CNIH3: variants seen among roughly 807,000 people sequenced by gnomAD.
The protein encoded by CNIH3 is protein cornichon homolog 3.
In CNIH3, 14 loss-of-function variants were observed where a neutral mutation model predicts 24.1. The observed-to-expected ratio is 0.58, with a 90% CI of 0.38 to 0.91. The LOEUF (loss-of-function observed/expected upper bound fraction) is 0.91. CNIH3 is among the 40% of genes least tolerant of loss of function. CNIH3 has a pLI of 0.00. For missense variants in CNIH3, 178 were observed against 196.8 expected (o/e 0.90, Z 0.57); for synonymous variants, 68 against 73.8 (o/e 0.92, Z 0.40).
At chr1:224,669,320 A>G (rs1685750362) in intron 1 of CNIH3, among the ~76,000 whole-genome samples, 1 of 152,178 alleles carries the variant, frequency 6.6e-6, no homozygotes, top group Admixed American at 6.5e-5. Flanking sequence ...AATAAGCCAA[A>G]GTGTCCTGTG....
intron 1 of CNIH3, among the ~76,000 whole-genome samples, chr1:224,438,078 A>G (rs1157969126): frequency 6.6e-6 from 1 of 151,926 alleles, no homozygotes; most frequent in South Asian, 2.1e-4. Context: ...ACACCCGGCT[A>G]ATTTTTTGTA....
At chr1:224,589,167 T>G (rs1340745241), downstream of CNIH3, among the ~76,000 whole-genome samples, 1 of 152,084 alleles carries the variant, frequency 6.6e-6, no homozygotes, top group African/African-American at 2.4e-5. Context: ...GACCTCTGCC[T>G]GGATAGTAAG....
In CNIH3 at chr1:224,703,660, A is replaced by C. The variant is rs1425230757; in HGVS notation, c.198+18817A>C. Reference sequence around the variant, plus strand: ...TTGCCTCTTTCAAGCCTCCCTACCCAGTTCTTGAGCTAAGAATAGAGTTTC... The same window carrying C: ...TTGCCTCTTTCAAGCCTCCCTACCCCGTTCTTGAGCTAAGAATAGAGTTTC... On this transcript the variant is annotated intron_variant, in intron 3 of 5. Transcript: ENST00000272133. The surrounding 1 kb of genome is among the most constrained non-coding windows in gnomAD (Gnocchi z 4.2). Among the ~76,000 whole-genome samples, 1 of 152,156 alleles carries C rather than the reference A, an allele frequency of 6.6e-6. No homozygotes were observed. Among genetic ancestry groups the C allele is most frequent in the Non-Finnish European group, 1.5e-5 (1 of 68,022 alleles).
At chr1:224,698,852 GGAAT>G (rs57080500) in intron 3 of CNIH3, among the ~76,000 whole-genome samples, 3 of 152,150 alleles carry the variant, frequency 2.0e-5, no homozygotes, top group Non-Finnish European at 2.9e-5. Context: ...CTTTGCTGAT[GGAAT>G]GAATGAATGA....
chr1:224,435,064 A>G (rs1674586928), intron 1 of CNIH3: 1 of 985,568 alleles, frequency 1.0e-6, no homozygotes, highest in African/African-American at 1.7e-5. Flanking sequence ...GTAAGTTCGT[A>G]GCCGCCCTCC....
chr1:224,729,169 G>T (rs1689187547), intron 3 of CNIH3, among the ~76,000 whole-genome samples: 1 of 152,100 alleles, frequency 6.6e-6, no homozygotes, highest in Non-Finnish European at 1.5e-5. Context: ...GCAGCACTTT[G>T]GGAGGCCGAG....
At chr1:224,469,740 G>A (rs1676291835) in intron 1 of CNIH3, among the ~76,000 whole-genome samples, 1 of 152,074 alleles carries the variant, frequency 6.6e-6, no homozygotes, top group Non-Finnish European at 1.5e-5. Flanking sequence ...ATCTCTTAAA[G>A]AGACATAAAT....
chr1:224,450,551 T>G (rs949502749), intron 1 of CNIH3, among the ~76,000 whole-genome samples: 2 of 152,096 alleles, frequency 1.3e-5, no homozygotes, highest in African/African-American at 4.8e-5. Flanking sequence ...ACTTTTAGAA[T>G]AAACACCCTG....
At chr1:224,563,589 C>A (rs1043008478) in intron 3 of CNIH3, among the ~76,000 whole-genome samples, 1 of 151,622 alleles carries the variant, frequency 6.6e-6, no homozygotes, top group Non-Finnish European at 1.5e-5. Flanking sequence ...TTCTGAAGAA[C>A]TTTAGAGTAC....
rs1678708984 is a variant in CNIH3 at position 224,523,183 on chromosome 1, G to A, written n.343+1856G>A. On this transcript the variant is annotated intron_variant and non_coding_transcript_variant, in intron 2 of 2. Coordinates refer to the CNIH3 transcript ENST00000470602. ...GAGTGCAGGAGTTCAAGGTTATAGTGAGCTATGATTGGGCCACTGCACTCC... is the reference window on the plus strand; with the variant it reads ...GAGTGCAGGAGTTCAAGGTTATAGTAAGCTATGATTGGGCCACTGCACTCC... Among the ~76,000 whole-genome samples the A allele has an allele frequency of 2.0e-5, 3 of 152,088 alleles. 1 individual carries two copies. The South Asian group carries it at 6.2e-4, about 32-fold the overall frequency.
chr1:224,445,592 A>AG (rs578027117), intron 1 of CNIH3, among the ~76,000 whole-genome samples: 5 of 149,310 alleles, frequency 3.3e-5, no homozygotes, highest in East Asian at 3.9e-4. Flanking sequence ...AAAAAAAAAA[A>AG]AAAAGAAAGA....
chr1:224,561,212 C>T (rs1374593601), intron 3 of CNIH3, among the ~76,000 whole-genome samples: 1 of 152,154 alleles, frequency 6.6e-6, no homozygotes, highest in African/African-American at 2.4e-5. Flanking sequence ...AAAACAGAAG[C>T]TCTTAATTTT....
rs184198448 is a variant in CNIH3, at chr1:224,585,581, C to T, written n.620+2314C>T. Among the ~76,000 whole-genome samples, 212 of 151,908 alleles carry T rather than the reference C, an allele frequency of 1.4e-3. 1 individual carries two copies. The highest frequency in any genetic ancestry group is 4.7e-3 in the African/African-American group (196 of 41,402). On this transcript the variant is annotated intron_variant and non_coding_transcript_variant, in intron 5 of 5. Coordinates refer to the CNIH3 transcript ENST00000471578. Reference sequence around the variant, plus strand: ...GCAGTCTTGAACTCTTGGGCTCAAGCGGTCCTCCTGCCTCAACCTCCCAAG... The same window carrying T: ...GCAGTCTTGAACTCTTGGGCTCAAGTGGTCCTCCTGCCTCAACCTCCCAAG...
intron 1 of CNIH3, among the ~76,000 whole-genome samples, chr1:224,473,093 T>G (rs2102999560): frequency 6.6e-6 from 1 of 152,260 alleles, no homozygotes; most frequent in Non-Finnish European, 1.5e-5. Flanking sequence ...AAGCCTTAGT[T>G]TGTATTTAAA....
intron 2 of CNIH3, among the ~76,000 whole-genome samples, chr1:224,532,918 T>C (rs973140907): frequency 1.3e-5 from 2 of 152,166 alleles, no homozygotes; most frequent in African/African-American, 4.8e-5. Context: ...GATGAGGACA[T>C]TGAGGCTCAG....
chr1:224,632,434 A>G (rs1230549290), intron 1 of CNIH3, among the ~76,000 whole-genome samples: 6 of 152,226 alleles, frequency 3.9e-5, no homozygotes, highest in Admixed American at 6.5e-5. Flanking sequence ...AGTGAATCCC[A>G]TATCTAGCAG....
At chr1:224,644,672 G>A (rs1419371229) in intron 1 of CNIH3, among the ~76,000 whole-genome samples, 1 of 151,968 alleles carries the variant, frequency 6.6e-6, no homozygotes, top group Non-Finnish European at 1.5e-5. Context: ...TTATCCCACA[G>A]ATACCTGACT....
At chr1:224,631,216 A>G (rs1363700711) in intron 1 of CNIH3, among the ~76,000 whole-genome samples, 3 of 152,182 alleles carry the variant, frequency 2.0e-5, no homozygotes, top group Non-Finnish European at 2.9e-5. Context: ...CATGGGGATG[A>G]CAGAATGACC....
intron 3 of CNIH3, among the ~76,000 whole-genome samples, chr1:224,702,735 G>A (rs573407481): frequency 3.9e-5 from 6 of 152,324 alleles, no homozygotes; most frequent in Non-Finnish European, 7.3e-5. Context: ...GGCACAGACC[G>A]TGGTGTTTTC....
Sources: allele counts gnomAD v4.1 joint callset (sites outside exome capture counted in the v4.1 genomes callset), GRCh38; gene constraint gnomAD v4.1.1; non-coding constraint Gnocchi (gnomAD v3.1); transcripts MANE v1.5; gene names NCBI Gene and HGNC (gene_info 2026-07-23, HGNC 2026-07-21).